Variants in PTN observed in about 807,000 individuals in gnomAD.
PTN encodes the protein pleiotrophin.
A neutral mutation model predicts 24.1 loss-of-function variants in PTN; 18 were observed. The ratio of observed to expected loss-of-function variants is 0.75; its 90% CI spans 0.52 to 1.11. The LOEUF is 1.11. PTN is among the 50% of genes least tolerant of loss of function. PTN has a pLI of 0.00. For missense variants in PTN, 163 were observed against 198.8 expected (o/e 0.82, Z 1.08); for synonymous variants, 78 against 68.6 (o/e 1.14, Z -0.67).
At chr7:137,255,632 A>G (rs1808908670) in intron 1 of PTN, among the ~76,000 whole-genome samples, 1 of 152,230 alleles carries the variant, frequency 6.6e-6, no homozygotes, top group Non-Finnish European at 1.5e-5. Context: ...CGCATGTGCT[A>G]AAAATCCTCT....
At chr7:137,250,725 C>A (rs1426329835) in intron 4 of PTN, among the ~76,000 whole-genome samples, 1 of 152,054 alleles carries the variant, frequency 6.6e-6, no homozygotes. Flanking sequence ...AGTTGGTAAC[C>A]AAATTGAACT....
chr7:137,305,551 T>C (rs532367691), intron 1 of PTN, among the ~76,000 whole-genome samples: 4 of 152,262 alleles, frequency 2.6e-5, no homozygotes, highest in South Asian at 2.1e-4. Flanking sequence ...AATAGATTTT[T>C]AAATTATCTC....
intron 1 of PTN, among the ~76,000 whole-genome samples, chr7:137,277,275 G>A (rs1809375795): frequency 6.6e-6 from 1 of 152,132 alleles, no homozygotes; most frequent in South Asian, 2.1e-4. Context: ...CAAACCAAGT[G>A]TTGGCAAAAA....
intron 1 of PTN, among the ~76,000 whole-genome samples, chr7:137,281,311 T>C (rs1882066): frequency 0.7 from 105,708 of 151,858 alleles, 37,324 homozygotes; most frequent in African/African-American, 0.79. Flanking sequence ...TTGGTTAAAG[T>C]GATAAAGCTT....
At chr7:137,301,485 T>C (rs1293156726) in intron 1 of PTN, among the ~76,000 whole-genome samples, 1 of 151,900 alleles carries the variant, frequency 6.6e-6, no homozygotes, top group Non-Finnish European at 1.5e-5. Context: ...TGAGCTATAT[T>C]GGTCAATTCA....
chr7:137,331,097 G>A (rs1422396000), intron 1 of PTN, among the ~76,000 whole-genome samples: 2 of 152,060 alleles, frequency 1.3e-5, no homozygotes, highest in Non-Finnish European at 2.9e-5. Flanking sequence ...TTGTCTTATT[G>A]GTCTTGCTGC....
intron 4 of PTN, among the ~76,000 whole-genome samples, chr7:137,239,679 C>T (rs1808592280): frequency 6.6e-6 from 1 of 152,012 alleles, no homozygotes. Flanking sequence ...CGATAGTTTA[C>T]TGAGAATGAT....
chr7:137,320,727 T>C (rs999879320), intron 1 of PTN, among the ~76,000 whole-genome samples: 1 of 152,232 alleles, frequency 6.6e-6, no homozygotes, highest in African/African-American at 2.4e-5. Context: ...GTTTGCATTA[T>C]ATGCTTTCTC....
chr7:137,317,782 G>A (rs1003546013), intron 1 of PTN, among the ~76,000 whole-genome samples: 9 of 152,064 alleles, frequency 5.9e-5, no homozygotes, highest in South Asian at 2.1e-4. Context: ...GGAAGGCGTC[G>A]TCCCTCTCTC....
chr7:137,304,393 G>GA (rs1487688566), intron 1 of PTN, among the ~76,000 whole-genome samples: 1 of 151,788 alleles, frequency 6.6e-6, no homozygotes, highest in Non-Finnish European at 1.5e-5. Context: ...TAGCTAAGTG[G>GA]AAAAATGGGA....
At chr7:137,248,497 C>A (rs1334905382) in intron 4 of PTN, among the ~76,000 whole-genome samples, 1 of 152,122 alleles carries the variant, frequency 6.6e-6, no homozygotes, top group South Asian at 2.1e-4. Context: ...ACCAGCCTGA[C>A]CAACATGATG....
At chr7:137,333,498 C>T (rs949864652) in intron 1 of PTN, among the ~76,000 whole-genome samples, 2 of 152,116 alleles carry the variant, frequency 1.3e-5, no homozygotes, top group East Asian at 3.9e-4. Flanking sequence ...CTGGGCAGCC[C>T]CACCGTCTTC....
chr7:137,337,924 C>A (rs1448427323), intron 1 of PTN, among the ~76,000 whole-genome samples: 1 of 152,124 alleles, frequency 6.6e-6, no homozygotes, highest in Non-Finnish European at 1.5e-5. Context: ...CACTCATTTG[C>A]CATCTTCAAT....
At chr7:137,309,428 G>A (rs1420344024) in intron 1 of PTN, among the ~76,000 whole-genome samples, 10 of 152,192 alleles carry the variant, frequency 6.6e-5, no homozygotes, top group Admixed American at 5.9e-4. Flanking sequence ...GGTGGCTGTG[G>A]CAATTTCTTA....
intron 1 of PTN, among the ~76,000 whole-genome samples, chr7:137,264,735 C>T (rs322309): frequency 0.32 from 49,034 of 152,068 alleles, 8,101 homozygotes; most frequent in South Asian, 0.39. Context: ...GGTATCTAGT[C>T]AGTCTAGCAT....
chr7:137,259,324 T>C (rs2128872269), intron 1 of PTN, among the ~76,000 whole-genome samples: 1 of 152,208 alleles, frequency 6.6e-6, no homozygotes, highest in African/African-American at 2.4e-5. Flanking sequence ...AACTGTACTT[T>C]AGCGACCTAT....
intron 1 of PTN, among the ~76,000 whole-genome samples, chr7:137,274,982 A>C (rs906608740): frequency 6.6e-6 from 1 of 152,228 alleles, no homozygotes; most frequent in African/African-American, 2.4e-5. Context: ...CATCAATGGA[A>C]ACACAGAGTT....
chr7:137,235,493 G>A (rs753007965), intron 4 of PTN, among the ~76,000 whole-genome samples: 2 of 152,120 alleles, frequency 1.3e-5, no homozygotes, highest in Non-Finnish European at 2.9e-5. Context: ...ACATATTTCT[G>A]TTAAAAATCA....
chr7:137,299,918 G>A (rs914236587), intron 1 of PTN, among the ~76,000 whole-genome samples: 1 of 151,910 alleles, frequency 6.6e-6, no homozygotes, highest in Non-Finnish European at 1.5e-5. Flanking sequence ...CCTCATACAT[G>A]CCAAATACTC....
Sources: allele counts gnomAD v4.1 joint callset (sites outside exome capture counted in the v4.1 genomes callset), GRCh38; gene constraint gnomAD v4.1.1; transcripts MANE v1.5; gene names NCBI Gene and HGNC (gene_info 2026-07-23, HGNC 2026-07-21).